Variants in ARHGEF26 observed in about 807,000 individuals in gnomAD.
ARHGEF26 encodes the protein Rho guanine nucleotide exchange factor (GEF) 26.
A neutral mutation model predicts 89.4 loss-of-function variants in ARHGEF26; 59 were observed. The ratio of observed to expected loss-of-function variants is 0.66; its 90% confidence interval spans 0.54 to 0.82. ARHGEF26 has a LOEUF of 0.82. Among genes scored for constraint, ARHGEF26 ranks in the 40% least tolerant of loss-of-function variants. The probability of loss-of-function intolerance (pLI) is 0.00; values close to 1 mark genes in which losing one functional copy is unlikely to be tolerated. For synonymous variants in ARHGEF26, 500 were observed against 428.4 expected, an observed-to-expected ratio of 1.17 and a Z score of -2.06; for missense variants, 1,234 against 1,085.6, an observed-to-expected ratio of 1.14 and a Z score of -1.92.
intron 4 of ARHGEF26, among the ~76,000 whole-genome samples, chr3:154,139,820 A>G (rs1397544300): frequency 6.6e-6 from 1 of 152,208 alleles, no homozygotes; most frequent in Admixed American, 6.5e-5. Flanking sequence ...GTACTCTAAT[A>G]TCTTAATATT....
chr3:154,200,344 A>G (rs2108207911), intron 9 of ARHGEF26, among the ~76,000 whole-genome samples: 1 of 152,132 alleles, frequency 6.6e-6, no homozygotes, highest in Non-Finnish European at 1.5e-5. Flanking sequence ...TGTTTTTGGC[A>G]CTTTTGTCAT....
At chr3:154,144,956 A>C (rs1358404) in intron 4 of ARHGEF26, among the ~76,000 whole-genome samples, 100,434 of 152,102 alleles carry the variant, frequency 0.66, 34,178 homozygotes, top group Non-Finnish European at 0.75. Flanking sequence ...CCTTAAAAAA[A>C]GCGTTCTCTC....
chr3:154,121,376 T>G (rs1717889444), upstream of ARHGEF26: 2 of 149,904 alleles, frequency 1.3e-5, no homozygotes, highest in Non-Finnish European at 3.0e-5. Flanking sequence ...GGGGGCGTAG[T>G]CAGGCGTGGG....
intron 13 of ARHGEF26, among the ~76,000 whole-genome samples, chr3:154,254,426 A>G (rs908807577): frequency 3.3e-5 from 5 of 152,116 alleles, no homozygotes; most frequent in Admixed American, 6.5e-5. Context: ...CCTAATGCAG[A>G]GTGGCTGTTT....
At chr3:154,236,329 A>G (rs1265026202) in intron 11 of ARHGEF26, among the ~76,000 whole-genome samples, 1 of 152,240 alleles carries the variant, frequency 6.6e-6, no homozygotes, top group Non-Finnish European at 1.5e-5. Flanking sequence ...CAACAGACTT[A>G]TATAGATTTG....
chr3:154,148,183 G>T (rs1719809344), intron 4 of ARHGEF26, among the ~76,000 whole-genome samples: 1 of 152,186 alleles, frequency 6.6e-6, no homozygotes, highest in Non-Finnish European at 1.5e-5. Flanking sequence ...CTGGCAGCCA[G>T]CCATGAGGAG....
chr3:154,200,852 T>A (rs895830510), intron 9 of ARHGEF26, among the ~76,000 whole-genome samples: 14 of 152,048 alleles, frequency 9.2e-5, no homozygotes, highest in Non-Finnish European at 1.8e-4. Flanking sequence ...ATGTGGCTAT[T>A]GTAAATGAGA....
chr3:154,136,567 A>G (rs984281852), intron 4 of ARHGEF26, among the ~76,000 whole-genome samples: 3 of 152,230 alleles, frequency 2.0e-5, no homozygotes, highest in Non-Finnish European at 4.4e-5. Context: ...GTTTGAGGTG[A>G]TGGGACTTAT....
At chr3:154,195,021 A>G (rs1273234107) in intron 9 of ARHGEF26, among the ~76,000 whole-genome samples, 2 of 152,208 alleles carry the variant, frequency 1.3e-5, no homozygotes, top group Non-Finnish European at 2.9e-5. Context: ...TGTGCCAAGA[A>G]TGATGCCAGT....
At chr3:154,233,036 T>C (rs1716911639) in intron 11 of ARHGEF26, among the ~76,000 whole-genome samples, 1 of 151,998 alleles carries the variant, frequency 6.6e-6, no homozygotes, top group South Asian at 2.1e-4. Context: ...TTTTACCATG[T>C]TAGCCAGGAT....
chr3:154,187,375 A>C (rs796544085), intron 6 of ARHGEF26, among the ~76,000 whole-genome samples: 17 of 138,228 alleles, frequency 1.2e-4, no homozygotes, highest in African/African-American at 4.5e-4. Flanking sequence ...TGAAGCAATA[A>C]CTTGATTTTT....
At chr3:154,153,001 T>G in intron 6 of ARHGEF26, 69 bp downstream of exon 6, 45 of 1,293,702 alleles carry the variant, frequency 3.5e-5, no homozygotes, top group Non-Finnish European at 4.0e-5. Context: ...TTGTTATCTC[T>G]AAAGGAAGGC....
At chr3:154,151,626 A>G (rs1471787393) in intron 5 of ARHGEF26, among the ~76,000 whole-genome samples, 2 of 152,316 alleles carry the variant, frequency 1.3e-5, no homozygotes, top group African/African-American at 2.4e-5. Flanking sequence ...ACATCACTTA[A>G]TTTCATGAAA....
chr3:154,231,370 G>C lies in ARHGEF26; in HGVS notation c.2090+5360G>C, dbSNP rs369909146. On this transcript the variant is annotated intron_variant, in intron 11 of 14. Transcript: ENST00000465093. ...ACTGAGAAGCACAATATCGATGCCT[G>C]GGGTCAGAAAACTGAGCTCAAATCC... Among the ~76,000 whole-genome samples, 9 of 152,260 alleles carry C rather than the reference G, an allele frequency of 5.9e-5. No homozygotes were observed. In the East Asian group the frequency reaches 9.6e-4, roughly 16 times the overall value.
intron 4 of ARHGEF26, among the ~76,000 whole-genome samples, chr3:154,138,917 C>T (rs1170616579): frequency 1.3e-5 from 2 of 152,144 alleles, no homozygotes; most frequent in African/African-American, 4.8e-5. Context: ...TCAAATCATC[C>T]CATAGATAAA....
chr3:154,251,797 C>A (rs1718168475), intron 12 of ARHGEF26, among the ~76,000 whole-genome samples: 1 of 152,078 alleles, frequency 6.6e-6, no homozygotes, highest in African/African-American at 2.4e-5. Context: ...AATAGAAATT[C>A]CATGGTAATG....
chr3:154,193,929 G>T lies in ARHGEF26; in HGVS notation c.1771-715G>T, dbSNP rs1714120346. Among the ~76,000 whole-genome samples, 6 of 151,628 alleles carry T rather than the reference G, an allele frequency of 4.0e-5. No homozygotes were observed. The South Asian group carries it at 1.2e-3, about 32-fold the overall frequency. On this transcript the variant is annotated intron_variant, in intron 8 of 14. Coordinates refer to ENST00000465093, the MANE Select transcript of ARHGEF26 (RefSeq NM_015595.4). ...GGCTCGCTGCAACCTCCACCTCCCA[G>T]GCTCAAGTGACCCTCCCACCTTAGC... is the stretch of plus-strand genomic sequence containing the variant.
chr3:154,217,857 C>G lies in ARHGEF26; in HGVS notation c.1846-12C>G. On this transcript the variant is annotated splice_polypyrimidine_tract_variant and intron_variant, in intron 9 of 14. Coordinates refer to ENST00000465093, the MANE Select transcript of ARHGEF26 (RefSeq NM_015595.4). Reference sequence around the variant, plus strand: ...TTGACCTTTAACCCTCGTTACTCTTCTGTGTTCCCAGTTGGTTCGACTATG... The same window carrying G: ...TTGACCTTTAACCCTCGTTACTCTTGTGTGTTCCCAGTTGGTTCGACTATG... 1 of 1,584,310 alleles carries G rather than the reference C, an allele frequency of 6.3e-7. No homozygotes were observed. Among genetic ancestry groups the G allele is most frequent in the Non-Finnish European group, 8.6e-7 (1 of 1,163,626 alleles).
At position 154,256,651 on chromosome 3, in the gene ARHGEF26, A is replaced by T. The variant is rs1204518639; in HGVS notation, c.*1178A>T. The T allele has an allele frequency of 2.5e-6, 3 of 1,187,258 alleles. No homozygotes were observed. The highest frequency in any genetic ancestry group is 2.1e-6 in the Non-Finnish European group (2 of 961,580). The allele number at this position is 1,187,258 out of a possible 1,614,324, so 73.5% of individuals were successfully genotyped here. A position where few individuals can be genotyped will look rare whatever the true frequency, so the allele number is the denominator to read the frequency against. On this transcript the variant is annotated 3_prime_UTR_variant, in exon 15 of 15. Coordinates refer to ENST00000465093, the MANE Select transcript of ARHGEF26 (RefSeq NM_015595.4). Reference sequence around the variant, plus strand: ...ATAATACCTAGTTTTCAGCTGTTCCAACTCGTTTCCAAATAGAAATTAGCT... The same window carrying T: ...ATAATACCTAGTTTTCAGCTGTTCCTACTCGTTTCCAAATAGAAATTAGCT...
Sources: allele counts gnomAD v4.1 joint callset (sites outside exome capture counted in the v4.1 genomes callset), GRCh38; gene constraint gnomAD v4.1.1; transcripts MANE v1.5; gene names NCBI Gene and HGNC (gene_info 2026-07-23, HGNC 2026-07-21).